ZBBX: variants seen among roughly 807,000 people sequenced by gnomAD.
The protein encoded by ZBBX is zinc finger B-box domain-containing protein 1.
A neutral mutation model predicts 108.5 loss-of-function variants in ZBBX; 101 were observed. The ratio of observed to expected loss-of-function variants is 0.93; its 90% CI spans 0.79 to 1.10. ZBBX has a LOEUF of 1.10. ZBBX is among the 50% of genes least tolerant of loss of function. The pLI, the probability that ZBBX is intolerant of heterozygous loss-of-function variation, is 0.00. For missense variants in ZBBX, 1,009 were observed against 941.4 expected (o/e 1.07, Z -0.94); for synonymous variants, 356 against 323.4 (o/e 1.10, Z -1.08).
At chr3:167,350,350 C>T (rs911528325) in intron 9 of ZBBX, 70 bp downstream of exon 9, 31 of 1,212,942 alleles carry the variant, frequency 2.6e-5, no homozygotes, top group Non-Finnish European at 3.4e-5. Context: ...TAACTAAAGA[C>T]ATTTTAAATG....
chr3:167,301,121 A>G lies in ZBBX; in HGVS notation c.1726-2663T>C, dbSNP rs368467751. On this transcript the variant is annotated intron_variant, in intron 17 of 21. Transcript: ENST00000675490. ...GCCCCAGTGTATGCTGTTCCCCTCT[A>G]TATGTTCATGTCACACACCTTCCTT... Among the ~76,000 whole-genome samples the G allele has an allele frequency of 1.4e-4, 22 of 152,180 alleles. No homozygotes were observed. In the East Asian group the frequency reaches 4.2e-3, roughly 29 times the overall value.
intron 4 of ZBBX, 120 bp from the exon 5 acceptor site, chr3:167,368,694 C>T: frequency 2.3e-6 from 3 of 1,290,148 alleles, no homozygotes; most frequent in Non-Finnish European, 2.9e-6. Flanking sequence ...TTACCTATTT[C>T]TTTTGTACTT....
chr3:167,317,434 G>T, intron 13 of ZBBX, 54 bp downstream of exon 13: 1 of 1,326,502 alleles, frequency 7.5e-7, no homozygotes, highest in Non-Finnish European at 1.1e-6. Context: ...AATGCTTAGT[G>T]TATATAACTT....
At chr3:167,386,638 C>T (rs1012134306) in intron 1 of ZBBX, among the ~76,000 whole-genome samples, 20 of 151,870 alleles carry the variant, frequency 1.3e-4, no homozygotes, top group Non-Finnish European at 1.9e-4. Context: ...TTTAGCTGTG[C>T]CAGTTTTGCC....
At chr3:167,252,096 G>A in intron 20 of ZBBX, 3 of 1,251,694 alleles carry the variant, frequency 2.4e-6, no homozygotes, top group Non-Finnish European at 3.1e-6. Flanking sequence ...ATCAGCCACA[G>A]CAATTTGAAT....
chr3:167,323,920 G>A (rs1158957197), intron 11 of ZBBX, among the ~76,000 whole-genome samples: 1 of 151,980 alleles, frequency 6.6e-6, no homozygotes, highest in Non-Finnish European at 1.5e-5. Flanking sequence ...CACATAGAAG[G>A]AAATGAGATT....
intron 2 of ZBBX, among the ~76,000 whole-genome samples, chr3:167,377,781 C>T (rs1747197126): frequency 6.6e-6 from 1 of 151,912 alleles, no homozygotes; most frequent in Non-Finnish European, 1.5e-5. Flanking sequence ...TAAATGTGTG[C>T]CACATTCTCA....
At chr3:167,203,262 T>C in the ZBBX span, among the ~76,000 whole-genome samples, 1 of 152,130 alleles carries the variant, frequency 6.6e-6, no homozygotes, top group Non-Finnish European at 1.5e-5. Context: ...TCACCCTTGA[T>C]GTCTCTTCTT....
intron 20 of ZBBX, among the ~76,000 whole-genome samples, chr3:167,262,383 C>T (rs796224474): frequency 3.3e-5 from 5 of 152,310 alleles, no homozygotes; most frequent in African/African-American, 1.2e-4. Context: ...CTCCAGTCTG[C>T]CATAATCTCC....
intron 20 of ZBBX, among the ~76,000 whole-genome samples, chr3:167,268,965 G>A (rs991999370): frequency 6.6e-6 from 1 of 152,122 alleles, no homozygotes; most frequent in Non-Finnish European, 1.5e-5. Context: ...AGAGTATGGG[G>A]GAACAACGTT....
At chr3:167,357,322 G>C (rs552304925) in intron 8 of ZBBX, among the ~76,000 whole-genome samples, 2 of 152,208 alleles carry the variant, frequency 1.3e-5, no homozygotes, top group Middle Eastern at 6.8e-3. Flanking sequence ...ATAGATAAGG[G>C]GAGGGATACT....
chr3:167,280,420 A>G (rs1284105660), intron 20 of ZBBX, among the ~76,000 whole-genome samples: 4 of 151,342 alleles, frequency 2.6e-5, no homozygotes, highest in African/African-American at 9.7e-5. Context: ...AAAAACAAAC[A>G]ACCCCATCAA....
chr3:167,286,432 C>T (rs1338755131), intron 19 of ZBBX, among the ~76,000 whole-genome samples: 3 of 152,042 alleles, frequency 2.0e-5, no homozygotes, highest in African/African-American at 7.2e-5. Context: ...GATTCACTTC[C>T]TATAAACTAT....
At chr3:167,398,120 C>T (rs116576786) in intron 1 of ZBBX, among the ~76,000 whole-genome samples, 2,906 of 152,062 alleles carry the variant, frequency 0.019, 123 homozygotes, top group African/African-American at 0.066. Context: ...AGTCATAGAG[C>T]TGTTCAGTCA....
chr3:167,305,299 G>A (rs1357363254), intron 17 of ZBBX, among the ~76,000 whole-genome samples: 2 of 151,958 alleles, frequency 1.3e-5, no homozygotes, highest in African/African-American at 4.8e-5. Context: ...TATATTATCG[G>A]AAAAAACTAG....
intron 12 of ZBBX, among the ~76,000 whole-genome samples, chr3:167,320,067 C>G (rs1472589219): frequency 2.0e-5 from 3 of 151,508 alleles, no homozygotes; most frequent in Non-Finnish European, 1.5e-5. Flanking sequence ...TCTGAGAAGG[C>G]CTAGAATTGT....
Position 167,372,963 on chromosome 3 carries a change from C to A in ZBBX, c.-49-13G>T. On this transcript the variant is annotated splice_polypyrimidine_tract_variant and intron_variant, in intron 3 of 21. Transcript: ENST00000675490. ...TTTGTAAACACTTCTGTAAAAGTAA[C>A]AAAGACAAAAGAATTATGGCAGAGG... 7.6e-7 allele frequency: 1 copy of A among 1,310,710 alleles called. No individual in the cohort carries two copies. The allele number at this position is 1,310,710 out of a possible 1,614,324, so 81.2% of individuals were successfully genotyped here.
intron 20 of ZBBX, among the ~76,000 whole-genome samples, chr3:167,269,224 C>A (rs2108461960): frequency 6.6e-6 from 1 of 152,292 alleles, no homozygotes; most frequent in Middle Eastern, 3.4e-3. Flanking sequence ...GATTCAGGGG[C>A]CGCTCGCTCC....
At chr3:167,199,593 A>G in the ZBBX span, among the ~76,000 whole-genome samples, 2 of 152,200 alleles carry the variant, frequency 1.3e-5, no homozygotes, top group Admixed American at 1.3e-4. Context: ...TTACATACAC[A>G]TGGTAATGCA....
Sources: allele counts gnomAD v4.1 joint callset (sites outside exome capture counted in the v4.1 genomes callset), GRCh38; gene constraint gnomAD v4.1.1; transcripts MANE v1.5; gene names NCBI Gene and HGNC (gene_info 2026-07-23, HGNC 2026-07-21).